The following EDIL3 variants were observed in gnomAD, a reference collection of about 807,000 sequenced individuals.
The protein encoded by EDIL3 is EGF-like repeat and discoidin I-like domain-containing protein 3.
In EDIL3, 37 loss-of-function variants were observed where a neutral mutation model predicts 67.4. That is an observed-to-expected ratio of 0.55 (90% CI 0.42 to 0.72). The LOEUF (loss-of-function observed/expected upper bound fraction) is 0.72, where lower values mean the gene tolerates loss of function less well. EDIL3 is among the 30% of genes least tolerant of loss of function. The pLI, the probability that EDIL3 is intolerant of heterozygous loss-of-function variation, is 0.00. For missense variants in EDIL3, 527 were observed against 586.3 expected (o/e 0.90, Z 1.04); for synonymous variants, 195 against 196.3 (o/e 0.99, Z 0.05).
chr5:84,317,578 G>T (rs571785627), intron 1 of EDIL3, among the ~76,000 whole-genome samples: 4 of 152,142 alleles, frequency 2.6e-5, no homozygotes, highest in African/African-American at 9.6e-5. Context: ...CCAATAACAG[G>T]TTCTAAAATT....
At chr5:84,284,878 G>C (rs1388188548) in intron 1 of EDIL3, among the ~76,000 whole-genome samples, 1 of 152,038 alleles carries the variant, frequency 6.6e-6, no homozygotes, top group East Asian at 1.9e-4. Flanking sequence ...TTTATTTGTA[G>C]TTAAGTAACA....
At chr5:84,019,045 G>GTA (rs1279579164) in intron 9 of EDIL3, among the ~76,000 whole-genome samples, 1 of 152,120 alleles carries the variant, frequency 6.6e-6, no homozygotes, top group African/African-American at 2.4e-5. Context: ...CCATTACTGG[G>GTA]TATATGCCCA....
At position 84,206,050 on chromosome 5, in the gene EDIL3, A is replaced by G. The variant is rs1743971394; in HGVS notation, c.226+23805T>C. Among the ~76,000 whole-genome samples the G allele has an allele frequency of 4.6e-5, 7 of 151,280 alleles. No individual in the cohort carries two copies. The South Asian group carries it at 1.5e-3, about 32-fold the overall frequency. On this transcript the variant is annotated intron_variant, in intron 3 of 10. Transcript: ENST00000296591. ...TTCCTGCTTTCTCTTGTGGGCATTT[A>G]GTGCTATAAATTTCCCTCTACACAC...
intron 1 of EDIL3, among the ~76,000 whole-genome samples, chr5:84,380,418 C>G (rs1011007028): frequency 6.6e-6 from 1 of 152,062 alleles, no homozygotes; most frequent in African/African-American, 2.4e-5. Context: ...GCCATTAACA[C>G]TCAACACATA....
At chr5:84,115,930 C>T (rs543887970) in intron 5 of EDIL3, among the ~76,000 whole-genome samples, 6 of 152,236 alleles carry the variant, frequency 3.9e-5, no homozygotes, top group African/African-American at 1.4e-4. Flanking sequence ...GATTCCTATG[C>T]TTTTAAGTTA....
At chr5:84,269,349 C>G (rs1026655861) in intron 1 of EDIL3, among the ~76,000 whole-genome samples, 2 of 151,962 alleles carry the variant, frequency 1.3e-5, no homozygotes, top group African/African-American at 4.8e-5. Flanking sequence ...AATCAATCAC[C>G]CTTGTACAAA....
intron 1 of EDIL3, among the ~76,000 whole-genome samples, chr5:84,329,429 A>G (rs996154681): frequency 2.6e-5 from 4 of 152,104 alleles, no homozygotes; most frequent in Non-Finnish European, 5.9e-5. Context: ...ATGCCTTGCT[A>G]TGAAGAATAA....
chr5:83,993,825 T>G (rs1407817731), intron 9 of EDIL3, among the ~76,000 whole-genome samples: 1 of 152,120 alleles, frequency 6.6e-6, no homozygotes, highest in Non-Finnish European at 1.5e-5. Flanking sequence ...ATTTGTTGAG[T>G]CTTCCTCTCT....
At chr5:84,023,856 T>C (rs1745766090) in intron 9 of EDIL3, among the ~76,000 whole-genome samples, 1 of 152,122 alleles carries the variant, frequency 6.6e-6, no homozygotes, top group African/African-American at 2.4e-5. Context: ...ATTATTTCCA[T>C]ATTTAAATCA....
intron 6 of EDIL3, among the ~76,000 whole-genome samples, chr5:84,068,191 G>A (rs932886637): frequency 6.6e-6 from 1 of 152,082 alleles, no homozygotes; most frequent in African/African-American, 2.4e-5. Flanking sequence ...TTAGCACATC[G>A]CTATGAAAGA....
intron 6 of EDIL3, among the ~76,000 whole-genome samples, chr5:84,096,308 CA>C (rs1166314472): frequency 1.3e-5 from 2 of 152,174 alleles, no homozygotes; most frequent in Admixed American, 1.3e-4. Flanking sequence ...CCTGTGAAAG[CA>C]GCCAGGAGGG....
intron 1 of EDIL3, among the ~76,000 whole-genome samples, chr5:84,311,731 G>A (rs1202198115): frequency 6.6e-6 from 1 of 152,144 alleles, no homozygotes; most frequent in Non-Finnish European, 1.5e-5. Context: ...TGTGTCCCTG[G>A]GTACTTGAGA....
chr5:84,037,314 C>T (rs1746039353), intron 9 of EDIL3, among the ~76,000 whole-genome samples: 1 of 152,138 alleles, frequency 6.6e-6, no homozygotes, highest in South Asian at 2.1e-4. Context: ...TTGCTGATCT[C>T]CCCATTTTCT....
At chr5:84,377,062 C>G (rs1489740458) in intron 1 of EDIL3, among the ~76,000 whole-genome samples, 3 of 152,166 alleles carry the variant, frequency 2.0e-5, no homozygotes, top group African/African-American at 7.2e-5. Context: ...CGCGGTGGCT[C>G]ACGCCTGTAA....
intron 3 of EDIL3, among the ~76,000 whole-genome samples, chr5:84,194,713 A>C (rs911244604): frequency 1.3e-5 from 2 of 151,906 alleles, no homozygotes; most frequent in African/African-American, 4.8e-5. Flanking sequence ...TTCCAGCATT[A>C]TGCATTTAAA....
intron 3 of EDIL3, among the ~76,000 whole-genome samples, chr5:84,203,896 A>T (rs1188781215): frequency 2.6e-5 from 4 of 152,278 alleles, no homozygotes; most frequent in East Asian, 1.9e-4. Flanking sequence ...AACATTTTTT[A>T]AAAAAATACT....
intron 1 of EDIL3, among the ~76,000 whole-genome samples, chr5:84,374,779 A>C (rs1310799619): frequency 2.6e-5 from 4 of 151,994 alleles, no homozygotes; most frequent in African/African-American, 9.7e-5. Flanking sequence ...AGGAGATTAG[A>C]TGGTTTTATA....
chr5:84,296,687 G>T (rs1746057577), intron 1 of EDIL3, among the ~76,000 whole-genome samples: 1 of 152,082 alleles, frequency 6.6e-6, no homozygotes, highest in Admixed American at 6.6e-5. Flanking sequence ...GTCAATTTTT[G>T]ATTTGTTTCA....
At chr5:84,274,361 A>G (rs1465787076) in intron 1 of EDIL3, among the ~76,000 whole-genome samples, 1 of 152,122 alleles carries the variant, frequency 6.6e-6, no homozygotes, top group African/African-American at 2.4e-5. Context: ...CTTGGCCTCC[A>G]AAAGTGCTGG....
Sources: gnomAD v4.1 joint callset for allele counts (sites outside exome capture counted in the v4.1 genomes callset) on GRCh38, gnomAD v4.1.1 for gene constraint, MANE v1.5 for transcripts, NCBI Gene and HGNC (gene_info 2026-07-23, HGNC 2026-07-21) for gene names.